The following RANBP2 variants were observed in gnomAD, a reference collection of about 807,000 sequenced individuals.
The protein encoded by RANBP2 is RAN binding protein 2.
In RANBP2, 57 loss-of-function variants were observed where a neutral mutation model predicts 303.6. The observed-to-expected ratio is 0.19, with a 90% confidence interval of 0.15 to 0.23. The LOEUF is 0.23. RANBP2 is among the 10% of genes least tolerant of loss of function. The pLI is 1.00. For synonymous variants in RANBP2, 1,167 were observed against 1,301.5 expected (o/e 0.90, Z 2.23); for missense variants, 3,138 against 3,780.8 (o/e 0.83, Z 4.46).
chr2:108,753,893 A>T lies in RANBP2; in HGVS notation c.2124A>T (p.Lys708Asn), dbSNP rs1370006195. The change falls in exon 15 of 29, where the codon AAA (lysine) becomes AAT (asparagine). Residue 708 changes from lysine to asparagine, a missense_variant. Around this residue, in one of 20 missense-constraint regions of RANBP2, gnomAD observed 194 missense variants for 197.4 expected, o/e 0.98. Transcript: ENST00000283195. ...ALSPEEQEEC[K>N]NYLRKTRDYL... ...CTCCTGAAGAACAAGAAGAATGCAAAAATTATCTGAGAAAGACCAGGGACT... is the reference window on the plus strand; with the variant it reads ...CTCCTGAAGAACAAGAAGAATGCAATAATTATCTGAGAAAGACCAGGGACT... 6.2e-7 allele frequency: 1 copy of T among 1,612,042 alleles called. No homozygotes were observed. Among genetic ancestry groups the T allele is most frequent in the South Asian group, 1.1e-5 (1 of 90,996 alleles).
chr2:109,456,678 T>C, the RANBP2 span, among the ~76,000 whole-genome samples: 1 of 152,218 alleles, frequency 6.6e-6, no homozygotes, highest in African/African-American at 2.4e-5. Flanking sequence ...ATGAGACTTC[T>C]GGATCTCAGC....
chr2:109,372,506 C>T, the RANBP2 span, among the ~76,000 whole-genome samples: 3 of 152,226 alleles, frequency 2.0e-5, no homozygotes, highest in African/African-American at 4.8e-5. Flanking sequence ...GTGTGCCAGA[C>T]ACTTGGAAGT....
At chr2:109,650,421 G>A in the RANBP2 span, among the ~76,000 whole-genome samples, 2 of 152,184 alleles carry the variant, frequency 1.3e-5, no homozygotes, top group East Asian at 3.9e-4. Flanking sequence ...ATGGGGGAGG[G>A]CCTGCCCGGG....
chr2:109,614,335 G>T, the RANBP2 span: 14 of 680,412 alleles, frequency 2.1e-5, no homozygotes, highest in Non-Finnish European at 2.8e-5. Context: ...GCGCGGCCCA[G>T]TGAGGCGGTG....
At chr2:108,933,962 A>G in the RANBP2 span, among the ~76,000 whole-genome samples, 1 of 152,194 alleles carries the variant, frequency 6.6e-6, no homozygotes, top group Non-Finnish European at 1.5e-5. Flanking sequence ...GGCTCTCAGC[A>G]GGGCTGGAGG....
At chr2:109,736,969 AAAG>A in the RANBP2 span, among the ~76,000 whole-genome samples, 2 of 152,170 alleles carry the variant, frequency 1.3e-5, no homozygotes, top group South Asian at 2.1e-4. Flanking sequence ...TGAAAAAAAA[AAAG>A]AAGTCATGTT....
chr2:109,216,706 G>A, the RANBP2 span, among the ~76,000 whole-genome samples: 1 of 152,172 alleles, frequency 6.6e-6, no homozygotes, highest in African/African-American at 2.4e-5. Context: ...GAAACTGTGG[G>A]GTCACATGCT....
At chr2:109,432,693 C>G in the RANBP2 span, 1 of 1,602,248 alleles carries the variant, frequency 6.2e-7, no homozygotes, top group Admixed American at 1.7e-5. Flanking sequence ...GTGGTGGCAG[C>G]CTGGGCAAGG....
At chr2:109,356,450 C>T in the RANBP2 span, among the ~76,000 whole-genome samples, 51 of 152,318 alleles carry the variant, frequency 3.3e-4, no homozygotes, top group African/African-American at 8.9e-4. Flanking sequence ...CACAGTAGCA[C>T]GACACTCGAC....
chr2:108,842,573 G>T, the RANBP2 span, among the ~76,000 whole-genome samples: 1 of 152,128 alleles, frequency 6.6e-6, no homozygotes, highest in Non-Finnish European at 1.5e-5. Flanking sequence ...AGTCACTGTG[G>T]CATGTTCACA....
chr2:109,316,634 T>C, the RANBP2 span, among the ~76,000 whole-genome samples: 8 of 152,194 alleles, frequency 5.3e-5, no homozygotes, highest in African/African-American at 1.9e-4. Context: ...CCCGCCCCCA[T>C]GTGCAGCCTT....
At chr2:109,520,578 G>A in the RANBP2 span, among the ~76,000 whole-genome samples, 2 of 130,792 alleles carry the variant, frequency 1.5e-5, no homozygotes, top group Non-Finnish European at 3.2e-5. Context: ...CCAGCCTGTG[G>A]ACAGAGCAAG....
chr2:108,755,695 C>CA (rs985293904), intron 17 of RANBP2, among the ~76,000 whole-genome samples: 2 of 151,928 alleles, frequency 1.3e-5, no homozygotes, highest in African/African-American at 2.4e-5. Flanking sequence ...GCCCAGCCTA[C>CA]ATACCTCGGT....
chr2:109,576,573 T>C, the RANBP2 span, among the ~76,000 whole-genome samples: 1 of 152,026 alleles, frequency 6.6e-6, no homozygotes, highest in African/African-American at 2.4e-5. Context: ...AAAAATAAAA[T>C]GGGAAAAATT....
the RANBP2 span, among the ~76,000 whole-genome samples, chr2:109,351,472 CTAT>C: frequency 6.6e-6 from 1 of 152,232 alleles, no homozygotes; most frequent in Non-Finnish European, 1.5e-5. Flanking sequence ...GCAGCTAACT[CTAT>C]ATTGTCTTAC....
chr2:108,842,396 A>G, the RANBP2 span, among the ~76,000 whole-genome samples: 2 of 152,108 alleles, frequency 1.3e-5, no homozygotes, highest in South Asian at 4.1e-4. Context: ...CCTGGAGTCC[A>G]CATACTTGGA....
the RANBP2 span, among the ~76,000 whole-genome samples, chr2:109,636,482 C>T: frequency 6.6e-6 from 1 of 152,160 alleles, no homozygotes; most frequent in Non-Finnish European, 1.5e-5. Context: ...CTGGCATGTA[C>T]TCTTCAAAAT....
chr2:108,828,958 A>G, the RANBP2 span, among the ~76,000 whole-genome samples: 3,530 of 152,204 alleles, frequency 0.023, 140 homozygotes, highest in African/African-American at 0.081. Flanking sequence ...AGCCCAGGTG[A>G]CAGTGTGAGA....
the RANBP2 span, among the ~76,000 whole-genome samples, chr2:109,689,936 G>A: frequency 9.2e-5 from 14 of 152,202 alleles, 2 homozygotes; most frequent in Admixed American, 6.5e-4. Flanking sequence ...AATTGTATTC[G>A]ATTTAACCAG....
Sources: gnomAD v4.1 joint callset for allele counts (sites outside exome capture counted in the v4.1 genomes callset) on GRCh38, gnomAD v4.1.1 for gene constraint, gnomAD v4.1.1 regional missense constraint, MANE v1.5 for transcripts, NCBI Gene and HGNC (gene_info 2026-07-23, HGNC 2026-07-21) for gene names.